KLHL32: variants seen among roughly 807,000 people sequenced by gnomAD.
The protein encoded by KLHL32 is kelch like family member 32, also known as kelch-like protein 32.
KLHL32 carries 35 observed loss-of-function variants against 64.8 expected under a neutral mutation model. That is an observed-to-expected ratio of 0.54 (90% CI 0.41 to 0.72). The LOEUF (loss-of-function observed/expected upper bound fraction) is 0.72, where lower values mean the gene tolerates loss of function less well. KLHL32 is among the 30% of genes least tolerant of loss of function. The pLI is 0.00. For missense variants in KLHL32, 589 were observed against 768.5 expected (o/e 0.77, Z 2.76); for synonymous variants, 259 against 281.0 (o/e 0.92, Z 0.78).
chr6:97,133,786 G>T (rs1224378650), intron 10 of KLHL32, among the ~76,000 whole-genome samples: 1 of 152,096 alleles, frequency 6.6e-6, no homozygotes, highest in Non-Finnish European at 1.5e-5. Context: ...AGTCAGCAAG[G>T]GTAAGGTAGA....
intron 6 of KLHL32, among the ~76,000 whole-genome samples, chr6:97,107,146 A>G (rs1199514011): frequency 6.6e-6 from 1 of 152,062 alleles, no homozygotes; most frequent in Non-Finnish European, 1.5e-5. Flanking sequence ...ACAAAAAATT[A>G]GCTGGGCGTG....
intron 4 of KLHL32, among the ~76,000 whole-genome samples, chr6:97,043,721 GT>G (rs1435222523): frequency 1.9e-4 from 28 of 148,070 alleles, no homozygotes; most frequent in African/African-American, 7.2e-4. Context: ...ATCAATACTT[GT>G]TATCGATTGT....
chr6:97,007,610 G>C (rs1779825530), intron 3 of KLHL32, among the ~76,000 whole-genome samples: 1 of 152,130 alleles, frequency 6.6e-6, no homozygotes, highest in South Asian at 2.1e-4. Context: ...CATGTGTATG[G>C]GCTGATGTTT....
At chr6:96,982,523 A>G (rs113156826) in intron 3 of KLHL32, among the ~76,000 whole-genome samples, 2 of 152,198 alleles carry the variant, frequency 1.3e-5, no homozygotes, top group East Asian at 1.9e-4. Context: ...CTGCCTTTTA[A>G]TTGGGGCATT....
chr6:96,941,061 A>G (rs1333031188), intron 1 of KLHL32, among the ~76,000 whole-genome samples: 2 of 152,212 alleles, frequency 1.3e-5, no homozygotes, highest in Non-Finnish European at 2.9e-5. Flanking sequence ...AGTGGCACTG[A>G]TAGCTCATTA....
At chr6:96,917,472 G>C in the KLHL32 span, among the ~76,000 whole-genome samples, 3 of 152,202 alleles carry the variant, frequency 2.0e-5, no homozygotes, top group Non-Finnish European at 4.4e-5. Flanking sequence ...GCCCCAATCT[G>C]TTATCAGAAG....
chr6:97,009,364 T>A (rs1375785311), intron 3 of KLHL32, among the ~76,000 whole-genome samples: 1 of 152,182 alleles, frequency 6.6e-6, no homozygotes, highest in African/African-American at 2.4e-5. Context: ...TTCGCAAGGC[T>A]TTGCTTTTCA....
intron 8 of KLHL32, among the ~76,000 whole-genome samples, chr6:97,128,436 GA>G (rs1282785967): frequency 6.6e-6 from 1 of 152,218 alleles, no homozygotes; most frequent in Non-Finnish European, 1.5e-5. Context: ...TAAAGAGGAA[GA>G]AGGTGTTAAC....
At chr6:97,061,942 T>A (rs1788979631) in intron 4 of KLHL32, among the ~76,000 whole-genome samples, 1 of 152,206 alleles carries the variant, frequency 6.6e-6, no homozygotes, top group Non-Finnish European at 1.5e-5. Flanking sequence ...ACACTGGTTC[T>A]GTTTCCATAA....
At position 97,083,262 on chromosome 6, in the gene KLHL32, C is replaced by T. The variant is rs549719302; in HGVS notation, c.412-1864C>T. Among the ~76,000 whole-genome samples, 52 of 152,246 alleles carry T rather than the reference C, an allele frequency of 3.4e-4. No homozygotes were observed. The South Asian group carries it at 5.8e-3, about 17-fold the overall frequency. The stretch of plus-strand genomic sequence containing the variant: ...AAAATTAGCTGGGTGCGATGGCACG[C>T]GCCTGTGGTCCCAGCTGCTCGGGAG... On this transcript the variant is annotated intron_variant, in intron 5 of 10. Coordinates refer to ENST00000369261, the MANE Select transcript of KLHL32 (RefSeq NM_052904.4).
chr6:97,008,779 G>A (rs6931897), intron 3 of KLHL32, among the ~76,000 whole-genome samples: 37,038 of 151,770 alleles, frequency 0.24, 5,795 homozygotes, highest in East Asian at 0.53. Context: ...CCTCCAGCCT[G>A]GCCTCTATGT....
intron 1 of KLHL32, among the ~76,000 whole-genome samples, chr6:96,961,726 C>T (rs1420089162): frequency 6.6e-6 from 1 of 152,130 alleles, no homozygotes; most frequent in African/African-American, 2.4e-5. Flanking sequence ...GTAATTAGGG[C>T]TTCTGCACAA....
intron 4 of KLHL32, among the ~76,000 whole-genome samples, chr6:97,056,783 A>G (rs1394827756): frequency 6.6e-6 from 1 of 152,174 alleles, no homozygotes; most frequent in Non-Finnish European, 1.5e-5. Flanking sequence ...TCACGACCAT[A>G]GTCTCAGCAC....
chr6:97,031,014 C>T (rs1196746775), intron 3 of KLHL32, among the ~76,000 whole-genome samples: 1 of 152,172 alleles, frequency 6.6e-6, no homozygotes, highest in Non-Finnish European at 1.5e-5. Context: ...CTGCACTCTA[C>T]CTTTTCAAGA....
chr6:97,129,886 TACAAAACAAA>T (rs573920708), intron 8 of KLHL32, among the ~76,000 whole-genome samples: 6 of 151,948 alleles, frequency 3.9e-5, no homozygotes, highest in African/African-American at 4.8e-5. Context: ...CTGTCTCAAA[TACAAAACAAA>T]ACAAAACAAA....
chr6:96,910,389 G>A, the KLHL32 span, among the ~76,000 whole-genome samples: 1 of 152,166 alleles, frequency 6.6e-6, no homozygotes, highest in Non-Finnish European at 1.5e-5. Context: ...GAGGAAAGAA[G>A]GGCTTGCTCC....
At chr6:97,062,085 T>TA (rs919619317) in intron 4 of KLHL32, among the ~76,000 whole-genome samples, 3 of 152,014 alleles carry the variant, frequency 2.0e-5, no homozygotes, top group African/African-American at 7.2e-5. Flanking sequence ...AAACAAAAAA[T>TA]AAAAAAAGAC....
intron 3 of KLHL32, among the ~76,000 whole-genome samples, chr6:97,031,656 A>C (rs1367621034): frequency 6.6e-6 from 1 of 152,184 alleles, no homozygotes; most frequent in Non-Finnish European, 1.5e-5. Flanking sequence ...TTTCTAAAAC[A>C]GTATGATGTG....
At chr6:96,957,787 T>C (rs1010875412) in intron 1 of KLHL32, among the ~76,000 whole-genome samples, 1 of 152,238 alleles carries the variant, frequency 6.6e-6, no homozygotes, top group African/African-American at 2.4e-5. Context: ...GGTCTCCAGC[T>C]GTATTCATGA....
Sources: gnomAD v4.1 joint callset for allele counts (sites outside exome capture counted in the v4.1 genomes callset) on GRCh38, gnomAD v4.1.1 for gene constraint, MANE v1.5 for transcripts, NCBI Gene and HGNC (gene_info 2026-07-23, HGNC 2026-07-21) for gene names.